DNAH5: variants seen among roughly 807,000 people sequenced by gnomAD.
DNAH5 encodes the protein dynein axonemal heavy chain 5, also known as axonemal beta dynein heavy chain 5.
DNAH5 carries 372 observed loss-of-function variants against 518.2 expected under a neutral mutation model. That is an observed-to-expected ratio of 0.72 (90% CI 0.66 to 0.78). The LOEUF (loss-of-function observed/expected upper bound fraction) is 0.78. Ranked by LOEUF, DNAH5 falls within the 30% of genes least tolerant of loss-of-function variation. The probability of loss-of-function intolerance (pLI) is 0.00; values close to 1 mark genes in which losing one functional copy is unlikely to be tolerated. For synonymous variants in DNAH5, 2,039 were observed against 2,025.9 expected (o/e 1.01, Z -0.17); for missense variants, 5,523 against 5,687.0 (o/e 0.97, Z 0.93).
chr5:13,911,531 A>G (rs779971496), intron 11 of DNAH5, 38 bp from the exon 12 acceptor site: 3 of 1,456,246 alleles, frequency 2.1e-6, no homozygotes, highest in Non-Finnish European at 2.9e-6. Context: ...ATATTTCAAT[A>G]TTCTTATATT....
intron 76 of DNAH5, 148 bp from the exon 77 acceptor site, chr5:13,701,584 T>G: frequency 1.3e-6 from 1 of 757,714 alleles, no homozygotes; most frequent in African/African-American, 1.8e-5. Flanking sequence ...TTCCCTGGAT[T>G]CTGGCGTAAG....
chr5:13,793,840 G>A, intron 48 of DNAH5, 96 bp downstream of exon 48: 1 of 1,550,424 alleles, frequency 6.4e-7, no homozygotes, highest in South Asian at 1.2e-5. Context: ...ATTATATCTT[G>A]AAAAAGTAAA....
chr5:13,980,089 C>G (rs1782570281), intron 1 of DNAH5, among the ~76,000 whole-genome samples: 1 of 152,118 alleles, frequency 6.6e-6, no homozygotes, highest in Admixed American at 6.5e-5. Context: ...CTACCTGCCT[C>G]AGCCTCCCAA....
At chr5:13,842,872 A>C (rs1345959030) in intron 32 of DNAH5, among the ~76,000 whole-genome samples, 1 of 152,202 alleles carries the variant, frequency 6.6e-6, no homozygotes, top group Non-Finnish European at 1.5e-5. Context: ...GATCTTAAGA[A>C]ACAGCTGCTA....
chr5:13,962,495 G>A (rs757374377), intron 1 of DNAH5, among the ~76,000 whole-genome samples: 5 of 152,154 alleles, frequency 3.3e-5, no homozygotes, highest in Non-Finnish European at 5.9e-5. Flanking sequence ...AGATGTTAAA[G>A]AGAAACTGAA....
At chr5:13,850,445 T>G (rs1444832411) in intron 31 of DNAH5, among the ~76,000 whole-genome samples, 1 of 152,222 alleles carries the variant, frequency 6.6e-6, no homozygotes, top group Non-Finnish European at 1.5e-5. Context: ...GAAGCAACCT[T>G]AAGTCCTATG....
At chr5:13,736,230 T>G (rs1416205520) in intron 66 of DNAH5, among the ~76,000 whole-genome samples, 1 of 152,104 alleles carries the variant, frequency 6.6e-6, no homozygotes, top group Non-Finnish European at 1.5e-5. Context: ...TCAAAGAAAT[T>G]TCAAAGGTTG....
At chr5:13,887,369 A>T (rs1311073300) in intron 17 of DNAH5, among the ~76,000 whole-genome samples, 3 of 152,240 alleles carry the variant, frequency 2.0e-5, no homozygotes, top group Non-Finnish European at 2.9e-5. Flanking sequence ...AATAGCATAG[A>T]AATTAACAAA....
Position 13,968,456 on chromosome 5 carries a change from T to C in DNAH5, c.13-37212A>G, listed in dbSNP as rs570408845. Among the ~76,000 whole-genome samples, 6 of 152,322 alleles carry C rather than the reference T, an allele frequency of 3.9e-5. No individual in the cohort carries two copies. The East Asian group carries it at 9.6e-4, about 24-fold the overall frequency. On this transcript the variant is annotated intron_variant, in intron 1 of 78. Coordinates refer to the DNAH5 transcript ENST00000681290. ...TATAATGTTGGCTGTGGGTTTGTCG[T>C]AGATGGCTTTTATTACCTTGAGGTA...
chr5:13,834,195 G>A (rs4544818), intron 35 of DNAH5, among the ~76,000 whole-genome samples: 62,944 of 151,916 alleles, frequency 0.41, 13,465 homozygotes, highest in East Asian at 0.61. Context: ...TTACATACTT[G>A]AAAATACTTA....
At chr5:13,703,535 T>C (rs1056843931) in intron 76 of DNAH5, among the ~76,000 whole-genome samples, 6 of 152,338 alleles carry the variant, frequency 3.9e-5, no homozygotes, top group African/African-American at 1.4e-4. Flanking sequence ...GAATGATGCA[T>C]TTAACATCTT....
rs150836086 is a variant in DNAH5 at position 13,952,760 on chromosome 5, C to T, written c.13-21516G>A. On this transcript the variant is annotated intron_variant, in intron 1 of 78. Transcript: ENST00000681290. ...ATTGCCAAGGAGGACAAAAATAACCCGTTTATTTACCCATTGCTGTTTTCT... is the reference window on the plus strand; with the variant it reads ...ATTGCCAAGGAGGACAAAAATAACCTGTTTATTTACCCATTGCTGTTTTCT... Among the ~76,000 whole-genome samples the T allele has an allele frequency of 2.0e-4, 30 of 152,202 alleles. 1 individual carries two copies. The East Asian group carries it at 5.6e-3, about 28-fold the overall frequency.
intron 15 of DNAH5, chr5:13,898,862 C>T (rs1448898818): frequency 5.4e-6 from 2 of 369,836 alleles, no homozygotes; most frequent in Non-Finnish European, 9.6e-6. Flanking sequence ...TGGGTAGCAG[C>T]ATTTGCCACT....
chr5:13,845,874 G>A (rs1192269842), intron 31 of DNAH5, among the ~76,000 whole-genome samples: 2 of 137,850 alleles, frequency 1.5e-5, no homozygotes, highest in African/African-American at 2.7e-5. Context: ...TCTATCACCA[G>A]GGCTGGAGTG....
chr5:13,861,682 C>T (rs6898474), intron 29 of DNAH5, among the ~76,000 whole-genome samples: 59,620 of 151,690 alleles, frequency 0.39, 11,810 homozygotes, highest in South Asian at 0.47. Context: ...TGTGGACAGG[C>T]ACAGTGGCTC....
chr5:13,886,838 C>T (rs1396121933), intron 17 of DNAH5, among the ~76,000 whole-genome samples: 1 of 152,118 alleles, frequency 6.6e-6, no homozygotes, highest in Non-Finnish European at 1.5e-5. Flanking sequence ...GTCTCAATTC[C>T]CTCATATGTA....
At chr5:13,742,571 T>C (rs925581922) in intron 65 of DNAH5, among the ~76,000 whole-genome samples, 1 of 152,042 alleles carries the variant, frequency 6.6e-6, no homozygotes, top group East Asian at 1.9e-4. Context: ...CAAATATTAA[T>C]AAAATAAACA....
intron 47 of DNAH5, among the ~76,000 whole-genome samples, chr5:13,801,721 G>A (rs959492553): frequency 6.6e-6 from 1 of 151,964 alleles, no homozygotes; most frequent in Admixed American, 6.6e-5. Context: ...GACTCCAGGG[G>A]GTTCCTCGTC....
intron 1 of DNAH5, among the ~76,000 whole-genome samples, chr5:13,998,403 A>C (rs1157410747): frequency 6.6e-6 from 1 of 152,230 alleles, no homozygotes; most frequent in Non-Finnish European, 1.5e-5. Flanking sequence ...ATTAAGTTTC[A>C]ACATGAATTT....
Sources: allele counts gnomAD v4.1 joint callset (sites outside exome capture counted in the v4.1 genomes callset), GRCh38; gene constraint gnomAD v4.1.1; transcripts MANE v1.5; gene names NCBI Gene and HGNC (gene_info 2026-07-23, HGNC 2026-07-21).